Variants in PPP1R12A observed in about 807,000 individuals in gnomAD.
PPP1R12A encodes protein phosphatase 1 regulatory subunit 12A.
In PPP1R12A, 19 loss-of-function variants were observed where a neutral mutation model predicts 139.6. That is an observed-to-expected ratio of 0.14 (90% CI 0.09 to 0.20). PPP1R12A has a LOEUF of 0.20. Ranked by LOEUF, PPP1R12A falls within the 10% of genes least tolerant of loss-of-function variation. The pLI is 1.00. For synonymous variants in PPP1R12A, 427 were observed against 420.6 expected, an observed-to-expected ratio of 1.02 and a Z score of -0.19; for missense variants, 925 against 1,211.5, an observed-to-expected ratio of 0.76 and a Z score of 3.51.
At chr12:79,911,233 CCAA>C (rs998915271) in intron 1 of PPP1R12A, among the ~76,000 whole-genome samples, 12 of 152,286 alleles carry the variant, frequency 7.9e-5, no homozygotes, top group Admixed American at 2.0e-4. Flanking sequence ...TTTCCTAAAA[CCAA>C]CAACCCTCCA....
Position 79,863,832 on chromosome 12 carries a change from C to T in PPP1R12A, c.368+8976G>A, listed in dbSNP as rs111647790. 6.4e-3 allele frequency among the ~76,000 whole-genome samples: 978 copies of T among 152,202 alleles called. 12 individuals are homozygous for T. The highest frequency in any genetic ancestry group is 0.021 in the African/African-American group (885 of 41,524). On this transcript the variant is annotated intron_variant, in intron 2 of 24. Transcript: ENST00000450142. ...CACCCAATACAGGAGCACCCAGATA[C>T]ATAAAGCAAGTTCTTAGAGACCTAC...
At chr12:79,923,268 C>T (rs773554108) in intron 1 of PPP1R12A, among the ~76,000 whole-genome samples, 1 of 151,866 alleles carries the variant, frequency 6.6e-6, no homozygotes, top group African/African-American at 2.4e-5. Flanking sequence ...AGGGAGACTT[C>T]GTCTCAAAAA....
At chr12:79,783,457 G>C (rs561026235) in intron 22 of PPP1R12A, among the ~76,000 whole-genome samples, 1 of 152,122 alleles carries the variant, frequency 6.6e-6, no homozygotes, top group Non-Finnish European at 1.5e-5. Flanking sequence ...GACACAGCGA[G>C]ATGCTGTATC....
Position 79,845,388 on chromosome 12 carries a change from G to T in PPP1R12A, c.401C>A (p.Ala134Asp), listed in dbSNP as rs2137211685. The T allele has an allele frequency of 6.2e-7, 1 of 1,613,420 alleles. No individual in the cohort carries two copies. Among genetic ancestry groups the T allele is most frequent in the Non-Finnish European group, 8.5e-7 (1 of 1,179,612 alleles). Residue 134 changes from alanine (A) to aspartate (D), a missense_variant, in exon 3 of 25, where the codon GCT becomes GAT. Ala to Asp is a moderately radical substitution (Grantham distance 126, BLOSUM62 -2). Around this residue, in one of 4 missense-constraint regions of PPP1R12A, gnomAD observed 199 missense variants for 352.4 expected, o/e 0.56. Coordinates refer to ENST00000450142, the MANE Select transcript of PPP1R12A (RefSeq NM_002480.3). ...AGGTGTATCTCCTTCACTGTTGACA[G>T]CCCCTACATGTGCTCCTTGACCAAT... ...FLIGQGAHVG[A>D]VNSEGDTPLD...
intron 1 of PPP1R12A, among the ~76,000 whole-genome samples, chr12:79,898,998 T>C (rs921497485): frequency 5.9e-5 from 9 of 152,144 alleles, no homozygotes; most frequent in Non-Finnish European, 1.2e-4. Context: ...TGAACACCTA[T>C]ATAATCACCA....
chr12:79,871,204 T>C (rs931448050), intron 2 of PPP1R12A, among the ~76,000 whole-genome samples: 20 of 152,202 alleles, frequency 1.3e-4, no homozygotes, highest in Admixed American at 4.6e-4. Flanking sequence ...TTTTATCCTG[T>C]ATAACAAGTA....
intron 1 of PPP1R12A, among the ~76,000 whole-genome samples, chr12:79,927,765 A>C (rs1487969159): frequency 2.0e-5 from 3 of 152,252 alleles, no homozygotes; most frequent in Non-Finnish European, 2.9e-5. Flanking sequence ...ACTGCTCCTC[A>C]ATAAAACACT....
chr12:79,851,571 C>T (rs1027168147), intron 2 of PPP1R12A, among the ~76,000 whole-genome samples: 4 of 152,170 alleles, frequency 2.6e-5, no homozygotes, highest in Admixed American at 6.5e-5. Context: ...TTTTAATCTT[C>T]AATTTTCAAA....
intron 1 of PPP1R12A, among the ~76,000 whole-genome samples, chr12:79,888,667 T>C (rs1884328491): frequency 6.6e-6 from 1 of 152,178 alleles, no homozygotes; most frequent in Non-Finnish European, 1.5e-5. Flanking sequence ...CTTACTTACA[T>C]AGCACTTTTA....
intron 1 of PPP1R12A, among the ~76,000 whole-genome samples, chr12:79,879,505 T>A (rs1883430978): frequency 2.0e-5 from 3 of 151,834 alleles, no homozygotes; most frequent in African/African-American, 7.3e-5. Flanking sequence ...GAAAGGGAGA[T>A]CCTATTCACA....
In PPP1R12A at chr12:79,820,948, G is replaced by C; in HGVS notation, c.957-17C>G. The C allele has an allele frequency of 6.2e-7, 1 of 1,611,344 alleles. No homozygotes were observed. Among genetic ancestry groups the C allele is most frequent in the Non-Finnish European group, 8.5e-7 (1 of 1,178,566 alleles). ...GTCTCTTTGCTGTTAAAGGAAAACA[G>C]TGTTCAAATGATTAGAAATACAAAA... On this transcript the variant is annotated splice_polypyrimidine_tract_variant and intron_variant, in intron 7 of 24. Transcript: ENST00000450142.
At chr12:79,934,615 T>C (rs1435935239) in intron 1 of PPP1R12A, 80 bp downstream of exon 1, 62 of 1,256,682 alleles carry the variant, frequency 4.9e-5, no homozygotes, top group Non-Finnish European at 6.5e-5. Context: ...CCTCAAGAGG[T>C]GGAGAACTGA....
chr12:79,812,382 CTGTGTGTGCGTGTG>C (rs1292521804), intron 9 of PPP1R12A, among the ~76,000 whole-genome samples: 1 of 112,880 alleles, frequency 8.9e-6, no homozygotes, highest in African/African-American at 5.0e-5. Flanking sequence ...TTGACTGACT[CTGTGTGTGCGTGTG>C]TGTGTGTGTG....
intron 5 of PPP1R12A, among the ~76,000 whole-genome samples, chr12:79,826,511 C>A (rs982079396): frequency 6.6e-6 from 1 of 151,688 alleles, no homozygotes; most frequent in Admixed American, 6.6e-5. Flanking sequence ...GCTCACAATT[C>A]TTTTACTATC....
At chr12:79,921,550 C>CT (rs1276783780) in intron 1 of PPP1R12A, among the ~76,000 whole-genome samples, 1 of 152,148 alleles carries the variant, frequency 6.6e-6, no homozygotes. Context: ...TTAAGCCCGC[C>CT]TAATAAAGCC....
intron 20 of PPP1R12A, among the ~76,000 whole-genome samples, chr12:79,790,209 G>A (rs1046589466): frequency 1.3e-5 from 2 of 152,132 alleles, no homozygotes; most frequent in Admixed American, 6.5e-5. Context: ...TTAATAATGA[G>A]ATAGTTGAAC....
At chr12:79,835,677 T>C (rs1592689258) in intron 3 of PPP1R12A, among the ~76,000 whole-genome samples, 1 of 152,236 alleles carries the variant, frequency 6.6e-6, no homozygotes, top group East Asian at 1.9e-4. Context: ...ATATAAAATT[T>C]GTCAATGGCT....
chr12:79,809,958 T>A lies in PPP1R12A; in HGVS notation c.1292A>T (p.Glu431Val), dbSNP rs778964577. Residue 431 changes from glutamate (E) to valine (V), a missense_variant, in exon 10 of 25, where the codon GAG becomes GTG. This residue lies in a region of PPP1R12A where 403 missense variants were observed against 463.7 expected (regional missense o/e 0.87). Transcript: ENST00000450142. Reference sequence around the variant, plus strand: ...TCCTAACCTCCAAGTTGCAGGAGACTCATCTTTTCTCTCTTCTTCTTTGGG... The same window carrying A: ...TCCTAACCTCCAAGTTGCAGGAGACACATCTTTTCTCTCTTCTTCTTTGGG... ...ISPKEEERKD[E>V]SPATWRLGLR... 2 of 1,613,612 alleles carry A rather than the reference T, an allele frequency of 1.2e-6. No individual in the cohort carries two copies. The highest frequency in any genetic ancestry group is 3.3e-5 in the Admixed American group (2 of 59,954).
intron 3 of PPP1R12A, among the ~76,000 whole-genome samples, chr12:79,834,400 G>A (rs571448998): frequency 6.6e-6 from 1 of 152,122 alleles, no homozygotes. Flanking sequence ...GATCACTTAG[G>A]ATGAAAAGTT....
Sources: allele counts gnomAD v4.1 joint callset (sites outside exome capture counted in the v4.1 genomes callset), GRCh38; gene constraint gnomAD v4.1.1; regional missense constraint gnomAD v4.1.1; transcripts MANE v1.5; gene names NCBI Gene and HGNC (gene_info 2026-07-23, HGNC 2026-07-21).